Variants in LRRC4C observed in about 807,000 individuals in gnomAD.
LRRC4C encodes leucine-rich repeat-containing protein 4C.
Under a neutral mutation model 33.6 loss-of-function variants are expected in LRRC4C, and 5 were observed. The observed-to-expected ratio is 0.15, with a 90% CI of 0.08 to 0.31. The LOEUF is 0.31. LRRC4C is among the 10% of genes least tolerant of loss of function. The pLI is 1.00. For missense variants in LRRC4C, 560 were observed against 796.7 expected (o/e 0.70, Z 3.58); for synonymous variants, 329 against 302.0 (o/e 1.09, Z -0.93).
At chr11:41,220,533 TAC>T (rs3067232) in intron 1 of LRRC4C, among the ~76,000 whole-genome samples, 50,644 of 144,078 alleles carry the variant, frequency 0.35, 9,544 homozygotes, top group South Asian at 0.56. Context: ...CACACAGACA[TAC>T]ACACACACAC....
At chr11:40,424,107 CAG>C (rs1304808993) in intron 3 of LRRC4C, among the ~76,000 whole-genome samples, 1 of 152,126 alleles carries the variant, frequency 6.6e-6, no homozygotes, top group African/African-American at 2.4e-5. Flanking sequence ...ATACATCATA[CAG>C]AGTCATAGAA....
At chr11:40,830,976 G>C (rs984014896) in intron 2 of LRRC4C, among the ~76,000 whole-genome samples, 11 of 152,066 alleles carry the variant, frequency 7.2e-5, no homozygotes, top group African/African-American at 2.7e-4. Flanking sequence ...GTTGGAATCA[G>C]TAATTCCACA....
At chr11:40,264,462 A>G (rs989356958) in intron 4 of LRRC4C, among the ~76,000 whole-genome samples, 2 of 152,192 alleles carry the variant, frequency 1.3e-5, no homozygotes, top group Non-Finnish European at 2.9e-5. Flanking sequence ...AGTCACCCCA[A>G]AAAACACAGC....
chr11:40,495,339 C>T (rs1954376170), intron 3 of LRRC4C, among the ~76,000 whole-genome samples: 1 of 152,040 alleles, frequency 6.6e-6, no homozygotes, highest in Non-Finnish European at 1.5e-5. Context: ...TTCACCATGA[C>T]CAAATATCTT....
chr11:40,630,545 C>G (rs537633752), intron 3 of LRRC4C, among the ~76,000 whole-genome samples: 2 of 152,050 alleles, frequency 1.3e-5, no homozygotes, highest in African/African-American at 4.8e-5. Context: ...AACATGTTCT[C>G]TCATTATCAC....
chr11:41,111,790 G>T (rs1356598726), intron 1 of LRRC4C, among the ~76,000 whole-genome samples: 3 of 151,970 alleles, frequency 2.0e-5, no homozygotes, highest in Non-Finnish European at 4.4e-5. Context: ...TTACATATCT[G>T]GTGGTGGTAC....
chr11:41,026,475 AT>A (rs1403514104), intron 1 of LRRC4C, among the ~76,000 whole-genome samples: 1 of 151,642 alleles, frequency 6.6e-6, no homozygotes, highest in Non-Finnish European at 1.5e-5. Context: ...ATTTCTTGAG[AT>A]TTAGAATATT....
At chr11:40,974,647 G>T (rs1347547253) in intron 1 of LRRC4C, among the ~76,000 whole-genome samples, 1 of 152,188 alleles carries the variant, frequency 6.6e-6, no homozygotes, top group Non-Finnish European at 1.5e-5. Flanking sequence ...TAGGGAATTG[G>T]TAAAGCATTA....
rs1324679040 is a variant in LRRC4C, at chr11:41,260,543, G to A, written c.-496+198888C>T. On this transcript the variant is annotated intron_variant, in intron 1 of 6. Transcript: ENST00000528697. ...ATCTTTACTTCCTCTAAGACCCACT[G>A]TTAAGCACCATAAGGACAGTACAGG... Among the ~76,000 whole-genome samples, 4 of 151,884 alleles carry A rather than the reference G, an allele frequency of 2.6e-5. No individual in the cohort carries two copies. The East Asian group carries it at 7.7e-4, about 29-fold the overall frequency.
At chr11:40,734,796 G>A (rs928163377) in intron 2 of LRRC4C, among the ~76,000 whole-genome samples, 3 of 152,108 alleles carry the variant, frequency 2.0e-5, no homozygotes, top group East Asian at 1.9e-4. Context: ...TCAAGGTAAC[G>A]GAATTAAGGA....
chr11:40,802,762 C>G (rs1473773892), intron 2 of LRRC4C, among the ~76,000 whole-genome samples: 1 of 152,110 alleles, frequency 6.6e-6, no homozygotes, highest in Non-Finnish European at 1.5e-5. Context: ...GTTGCCAAAA[C>G]TGTGAAGAAT....
chr11:41,116,815 A>G (rs1942156741), intron 1 of LRRC4C, among the ~76,000 whole-genome samples: 1 of 152,180 alleles, frequency 6.6e-6, no homozygotes, highest in Admixed American at 6.6e-5. Flanking sequence ...AAATTAACAA[A>G]AGCTATAAGT....
At chr11:40,615,238 TTATATATATA>T (rs756021420) in intron 3 of LRRC4C, among the ~76,000 whole-genome samples, 159 of 88,148 alleles carry the variant, frequency 1.8e-3, no homozygotes, top group Non-Finnish European at 3.1e-3. Context: ...TTGATTTATT[TTATATATATA>T]TATATATATA....
intron 1 of LRRC4C, among the ~76,000 whole-genome samples, chr11:40,953,358 T>C (rs1958803242): frequency 6.6e-6 from 1 of 151,900 alleles, no homozygotes; most frequent in Non-Finnish European, 1.5e-5. Context: ...GACATAGGTA[T>C]GGATTTCCCA....
At chr11:40,733,079 T>G (rs1459934801) in intron 2 of LRRC4C, among the ~76,000 whole-genome samples, 4 of 128,144 alleles carry the variant, frequency 3.1e-5, no homozygotes, top group African/African-American at 1.2e-4. Context: ...TTTTTTTTTT[T>G]TTTTTTTTTT....
intron 1 of LRRC4C, among the ~76,000 whole-genome samples, chr11:41,181,527 A>T (rs1945450042): frequency 6.6e-6 from 1 of 152,202 alleles, no homozygotes; most frequent in South Asian, 2.1e-4. Flanking sequence ...CCTTTAGAAA[A>T]GTATTGTTGT....
At chr11:41,221,608 C>A (rs1947309577) in intron 1 of LRRC4C, among the ~76,000 whole-genome samples, 1 of 152,068 alleles carries the variant, frequency 6.6e-6, no homozygotes, top group Admixed American at 6.6e-5. Context: ...GGAATAAGTT[C>A]ATTGTATCAC....
rs1328993924 is a variant in LRRC4C, at chr11:40,724,397, A to C, written c.-406-76119T>G. Among the ~76,000 whole-genome samples, 5 of 152,178 alleles carry C rather than the reference A, an allele frequency of 3.3e-5. No homozygotes were observed. In the East Asian group the frequency reaches 7.7e-4, roughly 23 times the overall value. On this transcript the variant is annotated intron_variant, in intron 2 of 6. Coordinates refer to ENST00000528697, the MANE Select transcript of LRRC4C (RefSeq NM_001258419.2). ...AATAAATTCAAAAAATCAAAATTAT[A>C]CCAAGCATACTATTGAGCCAGAGTG...
At chr11:40,126,594 C>A (rs2134734134) in intron 6 of LRRC4C, among the ~76,000 whole-genome samples, 1 of 152,240 alleles carries the variant, frequency 6.6e-6, no homozygotes, top group African/African-American at 2.4e-5. Context: ...TAAATCAATA[C>A]ATTCAATATT....
Sources: gnomAD v4.1 joint callset for allele counts (sites outside exome capture counted in the v4.1 genomes callset) on GRCh38, gnomAD v4.1.1 for gene constraint, MANE v1.5 for transcripts, NCBI Gene and HGNC (gene_info 2026-07-23, HGNC 2026-07-21) for gene names.